CAMSAP2: variants seen among roughly 807,000 people sequenced by gnomAD.
CAMSAP2 encodes calmodulin regulated spectrin associated protein family member 2, also known as calmodulin-regulated spectrin-associated protein 2.
A neutral mutation model predicts 146.1 loss-of-function variants in CAMSAP2; 26 were observed. The ratio of observed to expected loss-of-function variants is 0.18; its 90% CI spans 0.13 to 0.25. CAMSAP2 has a LOEUF of 0.25. CAMSAP2 is among the 10% of genes least tolerant of loss of function. CAMSAP2 has a pLI of 1.00. For missense variants in CAMSAP2, 1,381 were observed against 1,759.3 expected (o/e 0.78, Z 3.85); for synonymous variants, 499 against 596.6 (o/e 0.84, Z 2.38).
intron 2 of CAMSAP2, among the ~76,000 whole-genome samples, chr1:200,797,338 T>G (rs1346025150): frequency 6.6e-6 from 1 of 151,730 alleles, no homozygotes; most frequent in Admixed American, 6.6e-5. Flanking sequence ...ACCTGTTATT[T>G]CCTGACTTTT....
intron 9 of CAMSAP2, 111 bp from the exon 10 acceptor site, chr1:200,847,529 A>G: frequency 2.3e-6 from 2 of 867,474 alleles, no homozygotes; most frequent in East Asian, 4.9e-5. Flanking sequence ...TTATGTACCT[A>G]TTTAATTTGT....
chr1:200,855,914 C>T, intron 14 of CAMSAP2, 96 bp from the exon 15 acceptor site: 1 of 796,328 alleles, frequency 1.3e-6, no homozygotes, highest in South Asian at 1.7e-5. Flanking sequence ...TATTTTTAGG[C>T]CTTTAGGTTG....
chr1:200,810,447 G>A (rs1469756781), intron 3 of CAMSAP2, among the ~76,000 whole-genome samples: 3 of 152,074 alleles, frequency 2.0e-5, no homozygotes, highest in African/African-American at 7.2e-5. Flanking sequence ...ATGGTGGCGG[G>A]TGCCTGTAAT....
At chr1:200,742,598 A>G (rs894852302) in intron 1 of CAMSAP2, among the ~76,000 whole-genome samples, 7 of 152,168 alleles carry the variant, frequency 4.6e-5, no homozygotes, top group African/African-American at 1.2e-4. Context: ...AATAGATAGC[A>G]TATTTCAAAG....
chr1:200,855,298 A>G lies in CAMSAP2; in HGVS notation c.3896+409A>G, dbSNP rs1040316581. ...AGAATAATTCCAAAGTGGGTTGCCT[A>G]TGACTTAGGAAGGATCTCTTTTGTA... On this transcript the variant is annotated intron_variant, in intron 14 of 16. Coordinates refer to ENST00000358823, the MANE Select transcript of CAMSAP2 (RefSeq NM_203459.4). Among the ~76,000 whole-genome samples the G allele has an allele frequency of 1.8e-4, 28 of 152,072 alleles. 1 individual carries two copies. Among genetic ancestry groups the G allele is most frequent in the African/African-American group, 5.8e-4 (24 of 41,450 alleles).
At chr1:200,771,152 A>C (rs567832341) in intron 2 of CAMSAP2, among the ~76,000 whole-genome samples, 1 of 152,294 alleles carries the variant, frequency 6.6e-6, no homozygotes, top group South Asian at 2.1e-4. Context: ...AATCCCAAGA[A>C]TAGGAATAGA....
intron 2 of CAMSAP2, among the ~76,000 whole-genome samples, chr1:200,777,799 G>A (rs2103018811): frequency 6.6e-6 from 1 of 152,290 alleles, no homozygotes; most frequent in East Asian, 1.9e-4. Flanking sequence ...AATTAGCCGG[G>A]CATGGTGGCA....
intron 2 of CAMSAP2, among the ~76,000 whole-genome samples, chr1:200,790,427 G>A (rs1188493904): frequency 6.6e-6 from 1 of 152,188 alleles, no homozygotes; most frequent in East Asian, 1.9e-4. Flanking sequence ...TTGAGCTCTT[G>A]AAGGTAAAGC....
intron 2 of CAMSAP2, among the ~76,000 whole-genome samples, chr1:200,765,092 A>C (rs979774246): frequency 6.6e-6 from 1 of 152,154 alleles, no homozygotes; most frequent in African/African-American, 2.4e-5. Flanking sequence ...CAACAGAGTG[A>C]GATTCCATCT....
chr1:200,750,080 A>G (rs1319249326), intron 1 of CAMSAP2, among the ~76,000 whole-genome samples: 23 of 152,152 alleles, frequency 1.5e-4, no homozygotes, highest in Admixed American at 1.5e-3. Context: ...GCTTATGGGA[A>G]ATAAGCAAAT....
At chr1:200,825,180 C>T (rs565550006) in intron 4 of CAMSAP2, among the ~76,000 whole-genome samples, 2 of 151,982 alleles carry the variant, frequency 1.3e-5, no homozygotes, top group African/African-American at 4.8e-5. Context: ...TCCATTTTAG[C>T]GATCTTTTTT....
At position 200,793,358 on chromosome 1, in the gene CAMSAP2, A is replaced by G. The variant is rs148553017; in HGVS notation, c.400-14018A>G. 5.9e-5 allele frequency among the ~76,000 whole-genome samples: 9 copies of G among 152,216 alleles called. No homozygotes were observed. In the East Asian group the frequency reaches 1.7e-3, roughly 29 times the overall value. ...CGTTGGTTTTTATTGACCTACTTCT[A>G]TTTCTAGGGTGTTTTTTTAATGGAT... is the stretch of plus-strand genomic sequence containing the variant. On this transcript the variant is annotated intron_variant, in intron 2 of 16. Coordinates refer to ENST00000358823, the MANE Select transcript of CAMSAP2 (RefSeq NM_203459.4).
At chr1:200,755,858 G>A (rs1353977021) in intron 1 of CAMSAP2, among the ~76,000 whole-genome samples, 1 of 152,186 alleles carries the variant, frequency 6.6e-6, no homozygotes, top group African/African-American at 2.4e-5. Flanking sequence ...ACTACAATGA[G>A]TGACTGGGTG....
intron 1 of CAMSAP2, among the ~76,000 whole-genome samples, chr1:200,748,251 A>G (rs1184515307): frequency 2.0e-5 from 3 of 152,154 alleles, no homozygotes; most frequent in African/African-American, 7.2e-5. Context: ...CACCACTGCC[A>G]ATTATTTGAA....
chr1:200,830,332 T>C (rs1309409668), intron 4 of CAMSAP2, among the ~76,000 whole-genome samples: 1 of 152,206 alleles, frequency 6.6e-6, no homozygotes, highest in Non-Finnish European at 1.5e-5. Flanking sequence ...CACGTGCACA[T>C]ACATGTGCCT....
At position 200,849,566 on chromosome 1, in the gene CAMSAP2, T is replaced by A; in HGVS notation, c.2797T>A (p.Phe933Ile). 1 of 1,614,196 alleles carries A rather than the reference T, an allele frequency of 6.2e-7. No individual in the cohort carries two copies. The highest frequency in any genetic ancestry group is 8.5e-7 in the Non-Finnish European group (1 of 1,180,034). The change falls in exon 11 of 17, where the codon TTT (phenylalanine) becomes ATT (isoleucine). Residue 933 changes from phenylalanine (F) to isoleucine (I), a missense_variant. This residue lies in a region of CAMSAP2 where 560 missense variants were observed against 715.9 expected (regional missense o/e 0.78). Coordinates refer to ENST00000358823, the MANE Select transcript of CAMSAP2 (RefSeq NM_203459.4). The surrounding 1 kb of genome is among the most constrained non-coding windows in gnomAD (Gnocchi z 6.3). ...CTCTCCACAGAAACAGATTCGAGATTTTAAGCCTTCTAAGCAGGCAGGCCT... is the reference window on the plus strand; with the variant it reads ...CTCTCCACAGAAACAGATTCGAGATATTAAGCCTTCTAAGCAGGCAGGCCT... ...QPSPQKQIRD[F>I]KPSKQAGLSS...
chr1:200,759,112 C>T (rs981512103), intron 1 of CAMSAP2, among the ~76,000 whole-genome samples: 1 of 152,102 alleles, frequency 6.6e-6, no homozygotes, highest in African/African-American at 2.4e-5. Context: ...CTCTCCCATT[C>T]CAGCTTTGCC....
intron 6 of CAMSAP2, among the ~76,000 whole-genome samples, chr1:200,833,531 G>T (rs1667098887): frequency 6.6e-6 from 1 of 151,820 alleles, no homozygotes; most frequent in Non-Finnish European, 1.5e-5. Flanking sequence ...CTGCACCCTA[G>T]CCTGGGCAGC....
chr1:200,819,987 G>C (rs560399081), intron 4 of CAMSAP2, among the ~76,000 whole-genome samples: 1 of 152,110 alleles, frequency 6.6e-6, no homozygotes, highest in East Asian at 1.9e-4. Context: ...AATCAGTTTT[G>C]AAAGAGCTAT....
Sources: allele counts gnomAD v4.1 joint callset (sites outside exome capture counted in the v4.1 genomes callset), GRCh38; gene constraint gnomAD v4.1.1; regional missense constraint gnomAD v4.1.1; non-coding constraint Gnocchi (gnomAD v3.1); transcripts MANE v1.5; gene names NCBI Gene and HGNC (gene_info 2026-07-23, HGNC 2026-07-21).